The following FMN1 variants were observed in gnomAD, a reference collection of about 807,000 sequenced individuals.
The protein encoded by FMN1 is formin 1.
A neutral mutation model predicts 132.4 loss-of-function variants in FMN1; 110 were observed. The ratio of observed to expected loss-of-function variants is 0.83; its 90% confidence interval spans 0.71 to 0.97. The LOEUF (loss-of-function observed/expected upper bound fraction) is 0.97. Ranked by LOEUF, FMN1 falls within the 50% of genes least tolerant of loss-of-function variation. The pLI is 0.00. For missense variants in FMN1, 1,792 were observed against 1,705.3 expected (o/e 1.05, Z -0.90); for synonymous variants, 722 against 651.7 (o/e 1.11, Z -1.64).
At chr15:32,977,267 A>G (rs959307548) in intron 7 of FMN1, among the ~76,000 whole-genome samples, 28 of 152,226 alleles carry the variant, frequency 1.8e-4, no homozygotes, top group African/African-American at 6.3e-4. Flanking sequence ...AGATAGACTA[A>G]ATCTACTATC....
At chr15:32,967,032 G>A (rs1014122969) in intron 8 of FMN1, among the ~76,000 whole-genome samples, 74 of 152,218 alleles carry the variant, frequency 4.9e-4, no homozygotes, top group African/African-American at 1.7e-3. Context: ...CCCGTGTTAT[G>A]TTTCAGGTTC....
At chr15:33,118,906 C>A (rs1400974388) in intron 4 of FMN1, among the ~76,000 whole-genome samples, 1 of 149,760 alleles carries the variant, frequency 6.7e-6, no homozygotes, top group South Asian at 2.1e-4. Context: ...TGGCCGTAAA[C>A]CTTCCTTTAC....
chr15:33,190,536 A>G (rs1323962423), intron 2 of FMN1, among the ~76,000 whole-genome samples: 1 of 152,130 alleles, frequency 6.6e-6, no homozygotes, highest in African/African-American at 2.4e-5. Flanking sequence ...CTAGGCCTAG[A>G]TGAATGTGGA....
In FMN1 at chr15:33,166,749, G is replaced by A. The variant is rs188883836; in HGVS notation, c.-131-11704C>T. ...TCATCTTAATCCAGCGTTATTTCAC[G>A]AAATCCATCCTAAGAGTTAGTTATT... is the stretch of plus-strand genomic sequence containing the variant. On this transcript the variant is annotated intron_variant, in intron 3 of 20. Transcript: ENST00000616417. Among the ~76,000 whole-genome samples the A allele has an allele frequency of 1.2e-3, 189 of 152,224 alleles. 1 individual carries two copies. Among genetic ancestry groups the A allele is most frequent in the Non-Finnish European group, 1.7e-3 (115 of 68,004 alleles).
chr15:33,099,941 CT>C (rs568821123), intron 4 of FMN1, among the ~76,000 whole-genome samples: 44 of 152,202 alleles, frequency 2.9e-4, no homozygotes, highest in African/African-American at 9.4e-4. Flanking sequence ...GAGACTGGCC[CT>C]TTTTACTATT....
intron 15 of FMN1, among the ~76,000 whole-genome samples, chr15:32,889,696 C>G (rs1683227178): frequency 6.7e-6 from 1 of 149,920 alleles, no homozygotes; most frequent in South Asian, 2.2e-4. Flanking sequence ...AAGATTTCCC[C>G]TAACCTCCAG....
intron 17 of FMN1, among the ~76,000 whole-genome samples, chr15:32,821,934 C>T (rs1402336375): frequency 1.3e-5 from 2 of 152,210 alleles, no homozygotes; most frequent in Non-Finnish European, 2.9e-5. Flanking sequence ...TTTATTTCCA[C>T]ATTATCAAAC....
At chr15:33,046,770 GT>G (rs2036705284) in intron 6 of FMN1, among the ~76,000 whole-genome samples, 1 of 152,114 alleles carries the variant, frequency 6.6e-6, no homozygotes, top group Admixed American at 6.5e-5. Context: ...GTGCAAACTG[GT>G]TGAATGAATG....
intron 4 of FMN1, among the ~76,000 whole-genome samples, chr15:33,109,614 T>C (rs1451595563): frequency 6.6e-6 from 1 of 152,026 alleles, no homozygotes; most frequent in Non-Finnish European, 1.5e-5. Context: ...CTGCGTGTTC[T>C]CACTTATAAG....
At chr15:33,187,860 T>G (rs1046338315) in intron 2 of FMN1, among the ~76,000 whole-genome samples, 3 of 152,200 alleles carry the variant, frequency 2.0e-5, no homozygotes, top group African/African-American at 7.2e-5. Flanking sequence ...AGAGATAATT[T>G]TCATATACCT....
intron 4 of FMN1, among the ~76,000 whole-genome samples, chr15:33,138,456 AGGACAGTCT>A (rs1963866972): frequency 6.6e-6 from 1 of 152,042 alleles, no homozygotes; most frequent in Non-Finnish European, 1.5e-5. Flanking sequence ...TCTCTCCCCA[AGGACAGTCT>A]GGCACGTCCC....
At chr15:32,940,391 T>TTGTGTGTGTGTG (rs67121672) in intron 9 of FMN1, among the ~76,000 whole-genome samples, 74 of 145,418 alleles carry the variant, frequency 5.1e-4, no homozygotes, top group African/African-American at 1.7e-3. Context: ...AAAATAAAAA[T>TTGTGTGTGTGTG]TGTGTGTGTG....
In FMN1 at chr15:33,003,453, C is replaced by T. The variant is rs144302337; in HGVS notation, c.2223+4561G>A. ...AGTGAACTCCCATTCACAATTGCTT[C>T]AAAGGGAATAAAATACCTGGGAATC... On this transcript the variant is annotated intron_variant, in intron 7 of 20. Transcript: ENST00000616417. Among the ~76,000 whole-genome samples, 611 of 152,260 alleles carry T rather than the reference C, an allele frequency of 4.0e-3. 5 individuals carry two copies. The highest frequency in any genetic ancestry group is 0.014 in the African/African-American group (590 of 41,572).
At chr15:32,940,407 G>A (rs945746096) in intron 9 of FMN1, among the ~76,000 whole-genome samples, 1 of 124,408 alleles carries the variant, frequency 8.0e-6, no homozygotes, top group Admixed American at 7.6e-5. Context: ...GTGTGTGTGT[G>A]TGTGTGTGTG....
intron 4 of FMN1, among the ~76,000 whole-genome samples, chr15:33,117,736 C>T (rs892639238): frequency 2.6e-5 from 4 of 152,156 alleles, no homozygotes; most frequent in Non-Finnish European, 5.9e-5. Flanking sequence ...AACATTTGTA[C>T]TCTCTTGATG....
intron 19 of FMN1, among the ~76,000 whole-genome samples, chr15:32,781,790 G>C (rs996646713): frequency 3.9e-5 from 6 of 152,136 alleles, no homozygotes; most frequent in African/African-American, 1.4e-4. Context: ...TTTAAAGTGT[G>C]AATAATACCA....
chr15:32,985,075 TGCGC>T (rs1338550292), intron 7 of FMN1, among the ~76,000 whole-genome samples: 1 of 151,944 alleles, frequency 6.6e-6, no homozygotes, highest in African/African-American at 2.4e-5. Context: ...TAACAAATGT[TGCGC>T]GAAAGGATTA....
At chr15:33,052,978 C>T (rs2037047661) in intron 6 of FMN1, among the ~76,000 whole-genome samples, 1 of 73,818 alleles carries the variant, frequency 1.4e-5, no homozygotes, top group Non-Finnish European at 2.6e-5. Context: ...AACCACCTGA[C>T]TGTGGGGGTG....
intron 12 of FMN1, among the ~76,000 whole-genome samples, chr15:32,903,819 C>G (rs1232764370): frequency 2.6e-5 from 4 of 152,176 alleles, no homozygotes; most frequent in African/African-American, 9.7e-5. Flanking sequence ...GCAAGGCTCT[C>G]TAGGATTAAA....
Sources: gnomAD v4.1 joint callset for allele counts (sites outside exome capture counted in the v4.1 genomes callset) on GRCh38, gnomAD v4.1.1 for gene constraint, MANE v1.5 for transcripts, NCBI Gene and HGNC (gene_info 2026-07-23, HGNC 2026-07-21) for gene names.